The following PRKACA variants were observed in gnomAD, a reference collection of about 807,000 sequenced individuals.
PRKACA encodes the protein cAMP-dependent protein kinase catalytic subunit alpha.
Under a neutral mutation model 45.8 loss-of-function variants are expected in PRKACA, and 9 were observed. That is an observed-to-expected ratio of 0.20 (90% CI 0.12 to 0.34). The LOEUF is 0.34. PRKACA is among the 10% of genes least tolerant of loss of function. The pLI, the probability that PRKACA is intolerant of heterozygous loss-of-function variation, is 1.00. For synonymous variants in PRKACA, 160 were observed against 178.6 expected (o/e 0.90, Z 0.83); for missense variants, 238 against 458.6 (o/e 0.52, Z 4.39).
intron 5 of PRKACA, 54 bp downstream of exon 5, chr19:14,100,772 C>T: frequency 6.4e-7 from 1 of 1,565,914 alleles, no homozygotes; most frequent in South Asian, 1.1e-5. Context: ...TGGTCGTGCA[C>T]TGCCACCTGT....
intron 2 of PRKACA, 144 bp downstream of exon 2, chr19:14,107,204 C>G: frequency 1.1e-6 from 1 of 909,692 alleles, no homozygotes; most frequent in Admixed American, 2.3e-5. Context: ...ACACAGGAGC[C>G]CCCATGGGCA....
intron 5 of PRKACA, 148 bp from the exon 6 acceptor site, chr19:14,098,038 G>A (rs1290898419): frequency 2.1e-6 from 2 of 966,396 alleles, no homozygotes; most frequent in Admixed American, 5.3e-5. Context: ...AGCCCGACAT[G>A]GGAAACAGCC....
chr19:14,098,884 T>G (rs1271611456), intron 5 of PRKACA, among the ~76,000 whole-genome samples: 1 of 152,020 alleles, frequency 6.6e-6, no homozygotes, highest in East Asian at 1.9e-4. Flanking sequence ...ATATACTGTT[T>G]TGGGTGGAGG....
intron 3 of PRKACA, among the ~76,000 whole-genome samples, 189 bp from the exon 4 acceptor site, chr19:14,103,103 G>C (rs1386989776): frequency 1.3e-5 from 2 of 152,134 alleles, no homozygotes; most frequent in Non-Finnish European, 2.9e-5. Context: ...GGGGCTGCTT[G>C]TCCTTGCACG....
intron 4 of PRKACA, chr19:14,101,358 T>C (rs1977436656): frequency 5.7e-6 from 1 of 174,476 alleles, no homozygotes; most frequent in South Asian, 1.3e-4. Context: ...CACTTGAGCC[T>C]AGGAGTTTGA....
intron 5 of PRKACA, among the ~76,000 whole-genome samples, chr19:14,099,412 C>G (rs6511914): frequency 0.21 from 32,437 of 151,054 alleles, 4,765 homozygotes; most frequent in African/African-American, 0.42. Flanking sequence ...CCAGTCTGGA[C>G]TGCAGCAGCG....
intron 1 of PRKACA, among the ~76,000 whole-genome samples, chr19:14,109,985 T>C (rs1374626943): frequency 6.4e-4 from 55 of 86,588 alleles, no homozygotes; most frequent in African/African-American, 2.7e-3. Flanking sequence ...TATATATATA[T>C]ATATATATAT....
At chr19:14,107,914 T>C (rs1977661303) in intron 1 of PRKACA, 6 of 988,326 alleles carry the variant, frequency 6.1e-6, no homozygotes, top group African/African-American at 1.7e-5. Context: ...AGGGCATTGC[T>C]CCAGAGCTGG....
At position 14,092,403 on chromosome 19, in the gene PRKACA, CCAGGGGAGATTAG is replaced by C. The variant is rs1977104116; in HGVS notation, c.*696_*708del. On this transcript the variant is annotated 3_prime_UTR_variant, in exon 10 of 10. Transcript: ENST00000308677. ...CAGAGAGGATTCCCCGGGGAGGGGC[CCAGGGGAGATTAG>C]CAGCGGGGAGGTTCAAACCCCAGCG... 2.6e-6 allele frequency: 1 copy of C among 381,296 alleles called. No individual in the cohort carries two copies. Among genetic ancestry groups the C allele is most frequent in the Admixed American group, 4.5e-5 (1 of 22,064 alleles). 23.6% of individuals were successfully genotyped at this position (381,296 alleles called of 1,614,324 possible).
intron 8 of PRKACA, among the ~76,000 whole-genome samples, chr19:14,095,717 C>T (rs1375564509): frequency 6.6e-6 from 1 of 151,766 alleles, no homozygotes; most frequent in African/African-American, 2.4e-5. Flanking sequence ...AGGGTTTCAC[C>T]ATGTTAGCCA....
chr19:14,097,321 C>T lies in PRKACA; in HGVS notation c.765+40G>A. On this transcript the variant is annotated intron_variant, in intron 8 of 9. Coordinates refer to ENST00000308677, the MANE Select transcript of PRKACA (RefSeq NM_002730.4). The surrounding 1 kb of genome is among the most constrained non-coding windows in gnomAD (Gnocchi z 5.4). The stretch of plus-strand genomic sequence containing the variant: ...ATAGGATGGGTGAGCAGGGAACGGT[C>T]TGTTTCTTCCAGGGCTGTGTCCCCA... 1 of 1,613,518 alleles carries T rather than the reference C, an allele frequency of 6.2e-7. No individual in the cohort carries two copies. The highest frequency in any genetic ancestry group is 2.2e-5 in the East Asian group (1 of 44,874).
intron 1 of PRKACA, 192 bp from the exon 2 acceptor site, chr19:14,107,601 G>A (rs976796373): frequency 1.5e-6 from 2 of 1,317,060 alleles, no homozygotes; most frequent in Non-Finnish European, 2.0e-6. Context: ...GTGGGATCCA[G>A]CTGCCACTCC....
rs1977645935 is a variant in PRKACA, at chr19:14,107,425, G to A, written c.47-16C>T. The A allele has an allele frequency of 1.9e-6, 3 of 1,612,146 alleles. No individual in the cohort carries two copies. Among genetic ancestry groups the A allele is most frequent in the African/African-American group, 1.3e-5 (1 of 74,894 alleles). ...AATTCTTTCACTGAAAGGGAGAGAG[G>A]GGAGAGTTATACAGAGACGCCCGTC... is the stretch of plus-strand genomic sequence containing the variant. On this transcript the variant is annotated splice_polypyrimidine_tract_variant and intron_variant, in intron 1 of 9. Transcript: ENST00000308677.
chr19:14,105,664 C>T (rs1568534638), intron 3 of PRKACA, among the ~76,000 whole-genome samples: 1 of 151,922 alleles, frequency 6.6e-6, no homozygotes, highest in African/African-American at 2.4e-5. Context: ...TGGAGTTGAA[C>T]TCCTGGGTTC....
intron 1 of PRKACA, 92 bp from the exon 2 acceptor site, chr19:14,107,501 G>T: frequency 6.8e-7 from 1 of 1,467,310 alleles, no homozygotes; most frequent in South Asian, 1.2e-5. Flanking sequence ...GTGGAAAGTG[G>T]GGTGCAGTTC....
intron 1 of PRKACA, chr19:14,115,262 G>A (rs1967084131): frequency 3.9e-6 from 1 of 257,970 alleles, no homozygotes; most frequent in Non-Finnish European, 6.1e-6. Flanking sequence ...GCAATCCCAT[G>A]ATTTCATTTA....
chr19:14,094,377 C>CG (rs1461453458), intron 8 of PRKACA, among the ~76,000 whole-genome samples: 1 of 151,994 alleles, frequency 6.6e-6, no homozygotes, highest in Non-Finnish European at 1.5e-5. Context: ...TTAGTAGAGA[C>CG]GGGGTTTCAC....
chr19:14,105,116 A>T (rs1977564528), intron 3 of PRKACA, among the ~76,000 whole-genome samples: 1 of 152,186 alleles, frequency 6.6e-6, no homozygotes, highest in Admixed American at 6.5e-5. Flanking sequence ...GTCATGGAGG[A>T]CTGGGAAAAA....
intron 3 of PRKACA, among the ~76,000 whole-genome samples, chr19:14,105,373 G>A (rs180715315): frequency 1.2e-4 from 18 of 152,092 alleles, no homozygotes; most frequent in East Asian, 5.8e-4. Context: ...TTAGCTGGGC[G>A]TGGTGGTGGC....
Sources: allele counts gnomAD v4.1 joint callset (sites outside exome capture counted in the v4.1 genomes callset), GRCh38; gene constraint gnomAD v4.1.1; non-coding constraint Gnocchi (gnomAD v3.1); transcripts MANE v1.5; gene names NCBI Gene and HGNC (gene_info 2026-07-23, HGNC 2026-07-21).